The following JAZF1 variants were observed in gnomAD, a reference collection of about 807,000 sequenced individuals.
The protein encoded by JAZF1 is JAZF zinc finger 1, also known as juxtaposed with another zinc finger protein 1.
Under a neutral mutation model 26.4 loss-of-function variants are expected in JAZF1, and 8 were observed. The observed-to-expected ratio is 0.30, with a 90% confidence interval of 0.18 to 0.55. The LOEUF (loss-of-function observed/expected upper bound fraction) is 0.55. JAZF1 is among the 20% of genes least tolerant of loss of function. The pLI is 0.94. For synonymous variants in JAZF1, 126 were observed against 122.3 expected (o/e 1.03, Z -0.20); for missense variants, 199 against 322.0 (o/e 0.62, Z 2.92).
At chr7:27,990,425 A>C (rs1785877295) in intron 2 of JAZF1, among the ~76,000 whole-genome samples, 1 of 106,214 alleles carries the variant, frequency 9.4e-6, no homozygotes, top group Non-Finnish European at 2.3e-5. Context: ...CTAGAACTTA[A>C]AGTATAAAAA....
At chr7:28,083,216 T>A (rs1454006607) in intron 1 of JAZF1, among the ~76,000 whole-genome samples, 1 of 152,174 alleles carries the variant, frequency 6.6e-6, no homozygotes, top group African/African-American at 2.4e-5. Context: ...GTTTAGCCCT[T>A]GTGCCTCAAG....
intron 2 of JAZF1, among the ~76,000 whole-genome samples, chr7:27,933,821 G>A (rs1393258476): frequency 2.6e-5 from 4 of 152,056 alleles, no homozygotes; most frequent in African/African-American, 9.7e-5. Flanking sequence ...AAGGCGGTTG[G>A]AGTGGAAAAA....
At chr7:28,000,614 CTTTCTTTCTTTTTTTT>C (rs1433536363) in intron 1 of JAZF1, among the ~76,000 whole-genome samples, 2 of 132,994 alleles carry the variant, frequency 1.5e-5, no homozygotes, top group African/African-American at 6.3e-5. Context: ...TTCTTTCTTT[CTTTCTTTCTTTTTTTT>C]TTTTTTTTTT....
chr7:27,859,725 G>T (rs1298461197), intron 3 of JAZF1, among the ~76,000 whole-genome samples: 1 of 152,114 alleles, frequency 6.6e-6, no homozygotes, highest in South Asian at 2.1e-4. Context: ...GTTGGGGCAT[G>T]GGGGGCTAGG....
intron 1 of JAZF1, among the ~76,000 whole-genome samples, chr7:28,000,314 G>T (rs959478775): frequency 3.3e-5 from 5 of 152,186 alleles, no homozygotes; most frequent in Non-Finnish European, 1.5e-5. Flanking sequence ...TATCTAGGGG[G>T]TAGAGGGCAG....
intron 1 of JAZF1, among the ~76,000 whole-genome samples, chr7:28,167,520 C>T (rs1783388647): frequency 6.6e-6 from 1 of 152,332 alleles, no homozygotes; most frequent in Non-Finnish European, 1.5e-5. Flanking sequence ...CAACTTTTCT[C>T]GTCCAAGCAC....
intron 1 of JAZF1, among the ~76,000 whole-genome samples, chr7:28,141,320 T>C (rs900238220): frequency 9.9e-5 from 15 of 152,220 alleles, no homozygotes; most frequent in African/African-American, 3.4e-4. Flanking sequence ...CTTGGCTTTT[T>C]AAGCTATAGA....
At chr7:27,968,221 A>G (rs1455053179) in intron 2 of JAZF1, among the ~76,000 whole-genome samples, 2 of 152,220 alleles carry the variant, frequency 1.3e-5, no homozygotes, top group African/African-American at 4.8e-5. Flanking sequence ...ACCACCTGAA[A>G]TTCCAGATTA....
chr7:27,933,859 TA>T (rs1198693408), intron 2 of JAZF1, among the ~76,000 whole-genome samples: 1 of 151,832 alleles, frequency 6.6e-6, no homozygotes, highest in Admixed American at 6.6e-5. Flanking sequence ...TTTAAGTGGT[TA>T]AAAAAAAGGC....
intron 1 of JAZF1, among the ~76,000 whole-genome samples, chr7:28,068,888 T>C (rs1388744738): frequency 6.6e-6 from 1 of 152,226 alleles, no homozygotes; most frequent in East Asian, 1.9e-4. Flanking sequence ...TTTAGGCCAC[T>C]GACTGAAAGA....
At chr7:27,976,301 C>T (rs947409847) in intron 2 of JAZF1, among the ~76,000 whole-genome samples, 3 of 133,622 alleles carry the variant, frequency 2.2e-5, no homozygotes, top group African/African-American at 2.9e-5. Flanking sequence ...AGCCGAGAAG[C>T]GCCACTGCAC....
intron 1 of JAZF1, among the ~76,000 whole-genome samples, chr7:28,062,284 G>C (rs890304271): frequency 6.6e-6 from 1 of 152,124 alleles, no homozygotes; most frequent in Admixed American, 6.5e-5. Flanking sequence ...ATATTAGTTA[G>C]TTAGAGTGAC....
At chr7:27,887,424 T>G (rs1013784707) in intron 3 of JAZF1, among the ~76,000 whole-genome samples, 2 of 152,082 alleles carry the variant, frequency 1.3e-5, no homozygotes, top group African/African-American at 4.8e-5. Flanking sequence ...ATTTATTTAT[T>G]TATTTATTTG....
At chr7:27,941,008 C>CA (rs1784838484) in intron 2 of JAZF1, among the ~76,000 whole-genome samples, 1 of 152,070 alleles carries the variant, frequency 6.6e-6, no homozygotes, top group South Asian at 2.1e-4. Context: ...CTTGAAGTGC[C>CA]ATAAACTGCC....
At chr7:27,975,153 G>A (rs1785448074) in intron 2 of JAZF1, among the ~76,000 whole-genome samples, 1 of 152,064 alleles carries the variant, frequency 6.6e-6, no homozygotes, top group African/African-American at 2.4e-5. Flanking sequence ...CCAAAGTGCT[G>A]GGATTACAGG....
intron 1 of JAZF1, among the ~76,000 whole-genome samples, chr7:28,025,374 T>C (rs1783077904): frequency 6.6e-6 from 1 of 152,208 alleles, no homozygotes; most frequent in Non-Finnish European, 1.5e-5. Context: ...CAACATCGTA[T>C]CTAAATCCTT....
At chr7:27,870,381 A>G (rs1486664166) in intron 3 of JAZF1, among the ~76,000 whole-genome samples, 1 of 151,928 alleles carries the variant, frequency 6.6e-6, no homozygotes, top group East Asian at 1.9e-4. Flanking sequence ...CCTTTCATGT[A>G]TGAATTCCAC....
At chr7:27,922,179 C>G (rs897643983) in intron 2 of JAZF1, among the ~76,000 whole-genome samples, 43 of 152,188 alleles carry the variant, frequency 2.8e-4, no homozygotes, top group African/African-American at 9.9e-4. Flanking sequence ...ACAAACAGAA[C>G]AAATAAATAA....
chr7:28,174,374 G>A (rs895002150), intron 1 of JAZF1, among the ~76,000 whole-genome samples: 4 of 152,254 alleles, frequency 2.6e-5, no homozygotes, highest in African/African-American at 9.6e-5. Flanking sequence ...ACAGTCCCAG[G>A]GAAGCCCCTC....
Sources: allele counts gnomAD v4.1 joint callset (sites outside exome capture counted in the v4.1 genomes callset), GRCh38; gene constraint gnomAD v4.1.1; transcripts MANE v1.5; gene names NCBI Gene and HGNC (gene_info 2026-07-23, HGNC 2026-07-21).